Variants in IQSEC3 observed in about 807,000 individuals in gnomAD.
IQSEC3 encodes the protein IQ motif and SEC7 domain-containing protein 3.
A neutral mutation model predicts 105.4 loss-of-function variants in IQSEC3; 50 were observed. That is an observed-to-expected ratio of 0.47 (90% CI 0.38 to 0.60). The LOEUF is 0.60. Ranked by LOEUF, IQSEC3 falls within the 20% of genes least tolerant of loss-of-function variation. IQSEC3 has a pLI of 0.00. For synonymous variants in IQSEC3, 708 were observed against 746.0 expected, an observed-to-expected ratio of 0.95 and a Z score of 0.83; for missense variants, 1,415 against 1,630.0, an observed-to-expected ratio of 0.87 and a Z score of 2.27.
At chr12:124,402 A>AAG (rs1865316552) in intron 2 of IQSEC3, among the ~76,000 whole-genome samples, 1 of 150,864 alleles carries the variant, frequency 6.6e-6, no homozygotes, top group Non-Finnish European at 1.5e-5. Flanking sequence ...AAAAAAAAAA[A>AAG]AAAGAAAAGA....
chr12:109,027 G>T (rs533743242), intron 2 of IQSEC3, among the ~76,000 whole-genome samples: 33 of 152,374 alleles, frequency 2.2e-4, no homozygotes, highest in African/African-American at 7.9e-4. Flanking sequence ...CCAGCTCTGG[G>T]AAACAGAACT....
intron 8 of IQSEC3, 69 bp downstream of exon 8, chr12:162,134 C>T: frequency 6.4e-7 from 1 of 1,552,414 alleles, no homozygotes; most frequent in Admixed American, 1.7e-5. Flanking sequence ...TCTTCCCATT[C>T]TCCTTCTTAC....
chr12:91,318 T>C (rs561555875), intron 1 of IQSEC3, among the ~76,000 whole-genome samples: 2 of 152,286 alleles, frequency 1.3e-5, no homozygotes, highest in South Asian at 4.1e-4. Flanking sequence ...TAAATATAGA[T>C]GTGGGAAGTT....
chr12:75,068 C>T (rs1264843923), intron 1 of IQSEC3, among the ~76,000 whole-genome samples: 10 of 152,272 alleles, frequency 6.6e-5, no homozygotes, highest in South Asian at 2.1e-4. Context: ...CAGTCAGAGA[C>T]GACTTTAGGT....
At chr12:171,223 C>G (rs574928096) in intron 13 of IQSEC3, 62 bp downstream of exon 13, 2 of 1,613,744 alleles carry the variant, frequency 1.2e-6, no homozygotes, top group South Asian at 2.2e-5. Flanking sequence ...TTCTTCTCAC[C>G]GTCTCTGTTG....
intron 5 of IQSEC3, among the ~76,000 whole-genome samples, chr12:154,438 C>G (rs572097356): frequency 1.3e-5 from 2 of 152,080 alleles, no homozygotes; most frequent in African/African-American, 2.4e-5. Context: ...CTGGGAGGAA[C>G]GTGGATGTGG....
chr12:160,448 A>C (rs1274658066), intron 7 of IQSEC3, among the ~76,000 whole-genome samples: 1 of 152,194 alleles, frequency 6.6e-6, no homozygotes, highest in Admixed American at 6.5e-5. Flanking sequence ...TCTGTTGCCC[A>C]GAATGTATGA....
At chr12:133,958 T>C (rs1211197412) in intron 3 of IQSEC3, among the ~76,000 whole-genome samples, 1 of 151,962 alleles carries the variant, frequency 6.6e-6, no homozygotes, top group Non-Finnish European at 1.5e-5. Flanking sequence ...CAGTGTAAAA[T>C]AGGAAGAAAG....
At chr12:70,910 C>T (rs148388999) in intron 1 of IQSEC3, among the ~76,000 whole-genome samples, 1 of 152,398 alleles carries the variant, frequency 6.6e-6, no homozygotes, top group African/African-American at 2.4e-5. Flanking sequence ...ATTGCTTCTT[C>T]CTTTCACATC....
intron 7 of IQSEC3, among the ~76,000 whole-genome samples, chr12:160,486 T>C (rs1333886845): frequency 3.3e-5 from 5 of 152,204 alleles, no homozygotes; most frequent in Non-Finnish European, 7.3e-5. Context: ...CTGAGATCTT[T>C]AAGTGGGAAG....
chr12:155,757 G>A (rs568445759), intron 5 of IQSEC3, among the ~76,000 whole-genome samples: 2 of 152,146 alleles, frequency 1.3e-5, no homozygotes, highest in Non-Finnish European at 2.9e-5. Flanking sequence ...TCGATGTGGT[G>A]GGCAGGCAGG....
At chr12:83,271 C>A (rs1294098578) in intron 1 of IQSEC3, among the ~76,000 whole-genome samples, 1 of 152,156 alleles carries the variant, frequency 6.6e-6, no homozygotes, top group African/African-American at 2.4e-5. Context: ...TGAGCACCTA[C>A]GGCATGTCAG....
At position 165,836 on chromosome 12, in the gene IQSEC3, G is replaced by A. The variant is rs1555098245; in HGVS notation, c.2917G>A (p.Asp973Asn). 1 of 1,614,126 alleles carries A rather than the reference G, an allele frequency of 6.2e-7. No homozygotes were observed. Among genetic ancestry groups the A allele is most frequent in the Non-Finnish European group, 8.5e-7 (1 of 1,180,032 alleles). Residue 973 changes from aspartate (D) to asparagine (N), a missense_variant, in exon 11 of 14, where the codon GAC becomes AAC. Transcript: ENST00000538872. Reference sequence around the variant, plus strand: ...GGACGAGATGCAGAAGTTCGTGGAGGACCTGAAGGAGTCCATTGCTGAGGT... The same window carrying A: ...GGACGAGATGCAGAAGTTCGTGGAGAACCTGAAGGAGTCCATTGCTGAGGT... Reference protein sequence around the residue: ...GSDEMQKFVEDLKESIAEVTE... With the variant: ...GSDEMQKFVENLKESIAEVTE...
intron 3 of IQSEC3, among the ~76,000 whole-genome samples, chr12:131,438 G>A (rs782403552): frequency 3.3e-5 from 5 of 152,176 alleles, no homozygotes; most frequent in East Asian, 1.9e-4. Flanking sequence ...GGAGGGCCTC[G>A]CTGTCATGGA....
At chr12:107,402 CTTTTTTTTTTTTTTTTT>C in intron 2 of IQSEC3, among the ~76,000 whole-genome samples, 1 of 75,994 alleles carries the variant, frequency 1.3e-5, no homozygotes, top group South Asian at 6.0e-4. Context: ...AGTCTGTTTT[CTTTTTTTTTTTTTTTTT>C]TTTTTTTTGA....
intron 13 of IQSEC3, among the ~76,000 whole-genome samples, chr12:173,081 G>A (rs974608569): frequency 3.3e-5 from 5 of 152,174 alleles, no homozygotes; most frequent in Admixed American, 2.0e-4. Context: ...CGTGTCTCCT[G>A]GGGAGGAATT....
intron 3 of IQSEC3, among the ~76,000 whole-genome samples, chr12:136,115 T>C (rs1475927345): frequency 1.3e-5 from 2 of 152,330 alleles, no homozygotes; most frequent in South Asian, 2.1e-4. Context: ...CTCAGGGCCT[T>C]GTCCCTCATG....
At position 138,976 on chromosome 12, in the gene IQSEC3, C is replaced by A; in HGVS notation, c.1613C>A (p.Pro538Gln). Residue 538 changes from proline (P) to glutamine (Q), a missense_variant, in exon 4 of 14, where the codon CCG (proline) becomes CAG (glutamine). Coordinates refer to ENST00000538872, the MANE Select transcript of IQSEC3 (RefSeq NM_001170738.2). The surrounding 1 kb of genome is among the most constrained non-coding windows in gnomAD (Gnocchi z 7.1). ...GGCGAGACCTCTGGGCGGGAGGCCC[C>A]GGAAGCCCCCGCCGTGGGCCGGGAG... ...EQGETSGREAPEAPAVGREDA... is the reference protein window; with the variant it reads ...EQGETSGREAQEAPAVGREDA... 1 of 1,538,748 alleles carries A rather than the reference C, an allele frequency of 6.5e-7. No individual in the cohort carries two copies. The highest frequency in any genetic ancestry group is 2.4e-5 in the East Asian group (1 of 41,314).
intron 1 of IQSEC3, among the ~76,000 whole-genome samples, chr12:82,363 A>G (rs963668012): frequency 6.6e-6 from 1 of 152,228 alleles, no homozygotes; most frequent in African/African-American, 2.4e-5. Context: ...TAAAATGTGT[A>G]AAAGATGCCA....
Sources: gnomAD v4.1 joint callset for allele counts (sites outside exome capture counted in the v4.1 genomes callset) on GRCh38, gnomAD v4.1.1 for gene constraint, Gnocchi (gnomAD v3.1) non-coding constraint, MANE v1.5 for transcripts, NCBI Gene and HGNC (gene_info 2026-07-23, HGNC 2026-07-21) for gene names.